Variants in LRP5 observed in about 807,000 individuals in gnomAD.
LRP5 encodes LDL receptor related protein 5, also known as low-density lipoprotein receptor-related protein 5.
In LRP5, 62 loss-of-function variants were observed where a neutral mutation model predicts 154.1. That is an observed-to-expected ratio of 0.40 (90% CI 0.33 to 0.50). LRP5 has a LOEUF of 0.50. Ranked by LOEUF, LRP5 falls within the 20% of genes least tolerant of loss-of-function variation. The pLI is 0.55. For missense variants in LRP5, 1,915 were observed against 2,336.7 expected, an observed-to-expected ratio of 0.82 and a Z score of 3.72; for synonymous variants, 966 against 1,011.5, an observed-to-expected ratio of 0.96 and a Z score of 0.85.
At chr11:68,299,402 G>T in the LRP5 span, among the ~76,000 whole-genome samples, 1 of 152,140 alleles carries the variant, frequency 6.6e-6, no homozygotes, top group Non-Finnish European at 1.5e-5. Flanking sequence ...GACAGATGCA[G>T]CGGGGAATGG....
chr11:68,330,462 C>T (rs746867420), intron 1 of LRP5, among the ~76,000 whole-genome samples: 29 of 152,186 alleles, frequency 1.9e-4, no homozygotes, highest in Non-Finnish European at 3.7e-4. Context: ...TAACTGGCTC[C>T]GGTGCATGGA....
chr11:68,363,176 G>A (rs1413928969), intron 3 of LRP5, among the ~76,000 whole-genome samples: 2 of 152,238 alleles, frequency 1.3e-5, no homozygotes, highest in African/African-American at 4.8e-5. Flanking sequence ...TTGGGCAGGA[G>A]AGGTGTGCTT....
At chr11:68,326,189 T>C (rs2098599536) in intron 1 of LRP5, among the ~76,000 whole-genome samples, 2 of 152,202 alleles carry the variant, frequency 1.3e-5, no homozygotes, top group Admixed American at 1.3e-4. Context: ...GGGGGACAGG[T>C]GCAGGTACCT....
At chr11:68,360,996 CAAAAAAAAA>C (rs71043425) in intron 3 of LRP5, among the ~76,000 whole-genome samples, 1 of 15,744 alleles carries the variant, frequency 6.4e-5, no homozygotes. Context: ...GACTCTATCT[CAAAAAAAAA>C]AAAAAAAAAA....
At chr11:68,411,400 C>T (rs745585043) in intron 10 of LRP5, 36 bp from the exon 11 acceptor site, 2 of 1,603,716 alleles carry the variant, frequency 1.2e-6, no homozygotes, top group Non-Finnish European at 1.7e-6. Context: ...TGAGAGCAGA[C>T]TCACTGAGCC....
intron 5 of LRP5, among the ~76,000 whole-genome samples, chr11:68,377,362 C>T (rs1266825962): frequency 6.6e-6 from 1 of 152,206 alleles, no homozygotes; most frequent in African/African-American, 2.4e-5. Flanking sequence ...GCCAAGGTGC[C>T]TGCCAGCTGC....
chr11:68,368,957 C>G (rs1475967018), intron 5 of LRP5, among the ~76,000 whole-genome samples: 1 of 151,740 alleles, frequency 6.6e-6, no homozygotes, highest in Non-Finnish European at 1.5e-5. Flanking sequence ...CCTGCCTCAG[C>G]CTCCCAAGCA....
chr11:68,371,630 C>T (rs1274704354), intron 5 of LRP5, among the ~76,000 whole-genome samples: 4 of 152,268 alleles, frequency 2.6e-5, no homozygotes, highest in South Asian at 4.1e-4. Context: ...GCCGTGCGCC[C>T]GGCGGGCATG....
At chr11:68,443,585 A>ATATTT (rs1259673892) in intron 21 of LRP5, among the ~76,000 whole-genome samples, 15 of 24,828 alleles carry the variant, frequency 6.0e-4, no homozygotes, top group African/African-American at 2.0e-3. Context: ...ATATATATAT[A>ATATTT]TTTTTTTTTT....
At chr11:68,311,341 C>T (rs918354143), upstream of LRP5, among the ~76,000 whole-genome samples, 10 of 152,144 alleles carry the variant, frequency 6.6e-5, no homozygotes, top group African/African-American at 2.2e-4. Flanking sequence ...TGGTTCCTCC[C>T]CCGAATCCAG....
chr11:68,320,401 C>T lies in LRP5; in HGVS notation c.91+7596C>T, dbSNP rs933064086. On this transcript the variant is annotated intron_variant, in intron 1 of 22. Coordinates refer to ENST00000294304, the MANE Select transcript of LRP5 (RefSeq NM_002335.4). ...TATTTACTTTTCTGCAAATTGCCTA[C>T]ACTTATCCTTGGCCCATTTTTCTGT... Among the ~76,000 whole-genome samples the T allele has an allele frequency of 2.8e-4, 43 of 151,864 alleles. 1 individual carries two copies. Among genetic ancestry groups the T allele is most frequent in the African/African-American group, 9.4e-4 (39 of 41,430 alleles).
chr11:68,395,488 C>G (rs979212735), intron 7 of LRP5, among the ~76,000 whole-genome samples: 2 of 151,928 alleles, frequency 1.3e-5, no homozygotes, highest in Non-Finnish European at 2.9e-5. Context: ...GGAGTGATGG[C>G]GCAGGGCACG....
At chr11:68,405,473 A>G (rs1213484158) in intron 8 of LRP5, among the ~76,000 whole-genome samples, 2 of 150,780 alleles carry the variant, frequency 1.3e-5, no homozygotes, top group Admixed American at 6.6e-5. Flanking sequence ...CTGTCTCAAA[A>G]AAAAAAAAAA....
At chr11:68,318,961 GT>G (rs1254084901) in intron 1 of LRP5, among the ~76,000 whole-genome samples, 2 of 152,064 alleles carry the variant, frequency 1.3e-5, no homozygotes, top group Non-Finnish European at 2.9e-5. Context: ...GGAGCTTCAC[GT>G]TTTTTCTCCC....
intron 2 of LRP5, among the ~76,000 whole-genome samples, chr11:68,355,047 C>T (rs2098622019): frequency 6.6e-6 from 1 of 152,188 alleles, no homozygotes; most frequent in Admixed American, 6.5e-5. Flanking sequence ...CACAGCCCCT[C>T]TGGAAGGTGG....
intron 17 of LRP5, among the ~76,000 whole-genome samples, chr11:68,433,118 C>T (rs1300752773): frequency 2.6e-5 from 4 of 152,204 alleles, no homozygotes; most frequent in African/African-American, 9.7e-5. Context: ...CTGTAGCAGT[C>T]CCACACCCGC....
intron 21 of LRP5, among the ~76,000 whole-genome samples, chr11:68,443,231 G>T (rs2098679081): frequency 6.6e-6 from 1 of 151,910 alleles, no homozygotes; most frequent in Non-Finnish European, 1.5e-5. Context: ...GGCCCAGCGT[G>T]ATGGCTTGCA....
rs971176138 is a variant in LRP5 at position 68,353,939 on chromosome 11, G to A, written c.489-3711G>A. On this transcript the variant is annotated intron_variant, in intron 2 of 22. Transcript: ENST00000294304. The surrounding 1 kb of genome is among the most constrained non-coding windows in gnomAD (Gnocchi z 4.5). ...GGAAGGCACATCCCTCCCAGGCCCA[G>A]GGTACCCATGTGGGTGGCAGAGCGG... Among the ~76,000 whole-genome samples, 1 of 152,208 alleles carries A rather than the reference G, an allele frequency of 6.6e-6. No homozygotes were observed. The highest frequency in any genetic ancestry group is 2.4e-5 in the African/African-American group (1 of 41,452).
intron 1 of LRP5, among the ~76,000 whole-genome samples, chr11:68,334,704 G>A (rs1364609714): frequency 3.3e-5 from 5 of 152,016 alleles, no homozygotes; most frequent in East Asian, 1.9e-4. Flanking sequence ...GCGAAACTCC[G>A]TCTCTACTAA....
Sources: gnomAD v4.1 joint callset for allele counts (sites outside exome capture counted in the v4.1 genomes callset) on GRCh38, gnomAD v4.1.1 for gene constraint, Gnocchi (gnomAD v3.1) non-coding constraint, MANE v1.5 for transcripts, NCBI Gene and HGNC (gene_info 2026-07-23, HGNC 2026-07-21) for gene names.